Variants in SLIT1 observed in about 807,000 individuals in gnomAD.
SLIT1 encodes the protein slit guidance ligand 1.
Under a neutral mutation model 186.1 loss-of-function variants are expected in SLIT1, and 66 were observed. The ratio of observed to expected loss-of-function variants is 0.35; its 90% CI spans 0.29 to 0.44. SLIT1 has a LOEUF of 0.44. Among genes scored for constraint, SLIT1 ranks in the 20% least tolerant of loss-of-function variants. The pLI is 1.00. For synonymous variants in SLIT1, 761 were observed against 833.8 expected, an observed-to-expected ratio of 0.91 and a Z score of 1.50; for missense variants, 1,638 against 2,037.4, an observed-to-expected ratio of 0.80 and a Z score of 3.77.
chr10:97,036,396 T>C (rs1848638693), intron 22 of SLIT1, among the ~76,000 whole-genome samples: 1 of 152,164 alleles, frequency 6.6e-6, no homozygotes, highest in South Asian at 2.1e-4. Flanking sequence ...TCAACACACA[T>C]TGGCCAGGTC....
chr10:97,163,238 C>T, intron 3 of SLIT1, 142 bp downstream of exon 3: 1 of 717,858 alleles, frequency 1.4e-6, no homozygotes, highest in Non-Finnish European at 2.4e-6. Flanking sequence ...GCAGCTGCTC[C>T]TGGCTCCATC....
chr10:97,048,816 T>C (rs2134627240), intron 14 of SLIT1, 139 bp downstream of exon 14: 1 of 786,618 alleles, frequency 1.3e-6, no homozygotes, highest in Admixed American at 2.0e-5. Context: ...GGTATGCAGG[T>C]GGACAGGTAG....
intron 4 of SLIT1, among the ~76,000 whole-genome samples, chr10:97,077,877 C>A (rs1849060357): frequency 6.6e-6 from 1 of 152,072 alleles, no homozygotes; most frequent in South Asian, 2.1e-4. Context: ...GAGGCCGAAG[C>A]AAGAGGATCA....
intron 4 of SLIT1, among the ~76,000 whole-genome samples, chr10:97,148,853 G>A (rs902714453): frequency 6.6e-6 from 1 of 152,118 alleles, no homozygotes; most frequent in African/African-American, 2.4e-5. Flanking sequence ...TTATTCACAA[G>A]AGCCCGTTCC....
chr10:97,004,620 T>C lies in SLIT1; in HGVS notation c.3710+73A>G, dbSNP rs1848343414. 6.3e-7 allele frequency: 1 copy of C among 1,576,608 alleles called. No homozygotes were observed. Among genetic ancestry groups the C allele is most frequent in the Non-Finnish European group, 8.7e-7 (1 of 1,150,452 alleles). On this transcript the variant is annotated intron_variant, in intron 33 of 36. Transcript: ENST00000266058. The surrounding 1 kb of genome is among the most constrained non-coding windows in gnomAD (Gnocchi z 5.1). Reference sequence around the variant, plus strand: ...TCTAGAGGTCTCGATAACCACCTGCTTTTGGCCCAGGAGACCTCGCCCTGG... The same window carrying C: ...TCTAGAGGTCTCGATAACCACCTGCCTTTGGCCCAGGAGACCTCGCCCTGG...
At position 97,185,770 on chromosome 10, in the gene SLIT1, C is replaced by A; in HGVS notation, c.-96G>T. On this transcript the variant is annotated 5_prime_UTR_variant, in exon 1 of 37. Transcript: ENST00000266058. ...TCCAGGTGCAGTCCCGGGGCAGAGC[C>A]ACCGAAGAGCCCGCGGGCTTGCGCG... The A allele has an allele frequency of 9.0e-7, 1 of 1,111,702 alleles. No individual in the cohort carries two copies. The highest frequency in any genetic ancestry group is 1.2e-6 in the Non-Finnish European group (1 of 834,428). The allele number at this position is 1,111,702 out of a possible 1,614,324, so 68.9% of individuals were successfully genotyped here.
chr10:97,032,309 T>A (rs931770010), intron 23 of SLIT1, among the ~76,000 whole-genome samples: 23 of 152,096 alleles, frequency 1.5e-4, no homozygotes, highest in Non-Finnish European at 2.4e-4. Context: ...TGGCTGACTC[T>A]TGTAATCCCA....
At chr10:97,164,102 G>A (rs927706857) in intron 2 of SLIT1, among the ~76,000 whole-genome samples, 4 of 152,218 alleles carry the variant, frequency 2.6e-5, no homozygotes, top group Non-Finnish European at 4.4e-5. Flanking sequence ...CACCGCCAAC[G>A]TGCCCTGAAA....
intron 4 of SLIT1, among the ~76,000 whole-genome samples, chr10:97,067,429 G>A (rs1848958417): frequency 6.6e-6 from 1 of 152,172 alleles, no homozygotes; most frequent in South Asian, 2.1e-4. Flanking sequence ...ACTCCCCCCA[G>A]GCCAGCACTG....
chr10:97,029,676 A>G (rs554175912), intron 25 of SLIT1, among the ~76,000 whole-genome samples: 5 of 152,232 alleles, frequency 3.3e-5, no homozygotes, highest in Non-Finnish European at 5.9e-5. Context: ...TAAGTGTACA[A>G]TTCAGTCACA....
At position 97,172,432 on chromosome 10, in the gene SLIT1, G is replaced by A. The variant is rs551314509; in HGVS notation, c.198-7542C>T. On this transcript the variant is annotated intron_variant, in intron 1 of 36. Transcript: ENST00000266058. Reference sequence around the variant, plus strand: ...TAGAAGCTCCCTGGGGACACAGACCGTGTTTTCTCACTATTGTACCCCCAG... The same window carrying A: ...TAGAAGCTCCCTGGGGACACAGACCATGTTTTCTCACTATTGTACCCCCAG... Among the ~76,000 whole-genome samples, 25 of 152,296 alleles carry A rather than the reference G, an allele frequency of 1.6e-4. No homozygotes were observed. In the South Asian group the frequency reaches 2.7e-3, roughly 16 times the overall value.
At chr10:97,059,416 G>A (rs1463389819) in intron 11 of SLIT1, 44 bp downstream of exon 11, 1 of 1,534,028 alleles carries the variant, frequency 6.5e-7, no homozygotes, top group South Asian at 1.1e-5. Flanking sequence ...GCCTCCTCAG[G>A]GGATGCCCTG....
Position 97,019,121 on chromosome 10 carries a change from A to G in SLIT1, c.2747-14T>C. On this transcript the variant is annotated splice_polypyrimidine_tract_variant and intron_variant, in intron 26 of 36. Coordinates refer to ENST00000266058, the MANE Select transcript of SLIT1 (RefSeq NM_003061.3). ...GCGTTGGAGGACCTGCAGCAAGGGGAGGGTGCTAGTGCAGGGGGAGGGGTG... is the reference window on the plus strand; with the variant it reads ...GCGTTGGAGGACCTGCAGCAAGGGGGGGGTGCTAGTGCAGGGGGAGGGGTG... 4 of 1,030,002 alleles carry G rather than the reference A, an allele frequency of 3.9e-6. No individual in the cohort carries two copies. Among genetic ancestry groups the G allele is most frequent in the Non-Finnish European group, 4.4e-6 (3 of 687,618 alleles). The allele number at this position is 1,030,002 out of a possible 1,614,324, so 63.8% of individuals were successfully genotyped here. A position where few individuals can be genotyped will look rare whatever the true frequency, so the allele number is the denominator to read the frequency against.
chr10:97,059,361 G>T, intron 11 of SLIT1, 99 bp downstream of exon 11: 1 of 968,450 alleles, frequency 1.0e-6, no homozygotes, highest in Non-Finnish European at 1.6e-6. Flanking sequence ...GGGGGGCATA[G>T]CCCTGCTCCT....
At chr10:97,089,138 G>T (rs1443665241) in intron 4 of SLIT1, among the ~76,000 whole-genome samples, 3 of 152,216 alleles carry the variant, frequency 2.0e-5, no homozygotes, top group Non-Finnish European at 4.4e-5. Context: ...AAAGGCAAGG[G>T]AATCTGAGAC....
intron 4 of SLIT1, among the ~76,000 whole-genome samples, chr10:97,090,809 G>T (rs111374342): frequency 6.6e-6 from 1 of 152,226 alleles, no homozygotes; most frequent in African/African-American, 2.4e-5. Context: ...GTCGTCCAGC[G>T]GGTGCTGGGC....
chr10:97,108,885 T>A (rs1240505235), intron 4 of SLIT1, among the ~76,000 whole-genome samples: 2 of 49,132 alleles, frequency 4.1e-5, no homozygotes, highest in African/African-American at 2.1e-4. Flanking sequence ...AGTCTCAGTC[T>A]CAAAAAAAAA....
chr10:97,121,877 T>A (rs914045073), intron 4 of SLIT1, among the ~76,000 whole-genome samples: 1 of 152,216 alleles, frequency 6.6e-6, no homozygotes, highest in Non-Finnish European at 1.5e-5. Flanking sequence ...CAAATTCTAC[T>A]TATTGAGCAC....
chr10:97,043,545 C>A lies in SLIT1; in HGVS notation c.1854-32G>T, dbSNP rs776132044. The A allele has an allele frequency of 1.3e-6, 2 of 1,597,946 alleles. No homozygotes were observed. The highest frequency in any genetic ancestry group is 2.2e-5 in the South Asian group (2 of 89,160). On this transcript the variant is annotated intron_variant, in intron 18 of 36. Transcript: ENST00000266058. The surrounding 1 kb of genome is among the most constrained non-coding windows in gnomAD (Gnocchi z 7.0). ...AGGAACGGGGGAGGGAGGAGGGGAC[C>A]CTTGCTGCCCTGCCAGCCATCCACC... is the stretch of plus-strand genomic sequence containing the variant.
Sources: allele counts gnomAD v4.1 joint callset (sites outside exome capture counted in the v4.1 genomes callset), GRCh38; gene constraint gnomAD v4.1.1; non-coding constraint Gnocchi (gnomAD v3.1); transcripts MANE v1.5; gene names NCBI Gene and HGNC (gene_info 2026-07-23, HGNC 2026-07-21).